Variants in TMED5 observed in about 807,000 individuals in gnomAD.
TMED5 encodes the protein transmembrane emp24 domain-containing protein 5.
TMED5 carries 27 observed loss-of-function variants against 23.0 expected under a neutral mutation model. That is an observed-to-expected ratio of 1.17 (90% CI 0.86 to 1.62). The LOEUF (loss-of-function observed/expected upper bound fraction) is 1.62. Among genes scored for constraint, TMED5 ranks in the 40% most tolerant of loss-of-function variants. The pLI, the probability that TMED5 is intolerant of heterozygous loss-of-function variation, is 0.00. For missense variants in TMED5, 248 were observed against 273.7 expected, an observed-to-expected ratio of 0.91 and a Z score of 0.66; for synonymous variants, 97 against 100.8, an observed-to-expected ratio of 0.96 and a Z score of 0.23.
chr1:93,158,036 A>C (rs1198214128), intron 2 of TMED5, among the ~76,000 whole-genome samples: 1 of 149,882 alleles, frequency 6.7e-6, no homozygotes, highest in Non-Finnish European at 1.5e-5. Flanking sequence ...AGGCAGGAGA[A>C]TGGCGTGAAC....
At chr1:93,178,566 T>G (rs763736135) in intron 1 of TMED5, among the ~76,000 whole-genome samples, 4 of 152,174 alleles carry the variant, frequency 2.6e-5, no homozygotes, top group Non-Finnish European at 5.9e-5. Context: ...TTTACCTACA[T>G]CCCGCACAAC....
intron 1 of TMED5, among the ~76,000 whole-genome samples, chr1:93,166,998 G>A (rs1435123308): frequency 3.3e-5 from 5 of 151,950 alleles, no homozygotes; most frequent in South Asian, 2.1e-4. Flanking sequence ...CAGTTTTCCC[G>A]GGACCATTTA....
At chr1:93,179,563 T>A (rs1230770469) in intron 1 of TMED5, among the ~76,000 whole-genome samples, 1 of 152,212 alleles carries the variant, frequency 6.6e-6, no homozygotes, top group Non-Finnish European at 1.5e-5. Flanking sequence ...TTAATGCCAA[T>A]TACACGATCA....
Position 93,180,164 on chromosome 1 carries a change from C to T in TMED5, c.79G>A (p.Gly27Ser). Residue 27 changes from glycine to serine, a missense_variant, in exon 1 of 4, where the codon GGC (glycine) becomes AGC (serine). Coordinates refer to ENST00000370282, the MANE Select transcript of TMED5 (RefSeq NM_016040.5). ...LPPVLLPGAA[G>S]FTPSLDSDFT... ...TCGCTATCGAGGGAAGGTGTGAAGC[C>T]GGCCGCCCCAGGCAGCAGCACCGGA... 1 of 1,613,240 alleles carries T rather than the reference C, an allele frequency of 6.2e-7. No individual in the cohort carries two copies. The highest frequency in any genetic ancestry group is 8.5e-7 in the Non-Finnish European group (1 of 1,179,680).
At chr1:93,169,594 G>GAAA (rs71094237) in intron 1 of TMED5, among the ~76,000 whole-genome samples, 32 of 146,216 alleles carry the variant, frequency 2.2e-4, no homozygotes, top group African/African-American at 8.1e-4. Flanking sequence ...AATCAACGCA[G>GAAA]AAAAAAAAAA....
intron 1 of TMED5, among the ~76,000 whole-genome samples, chr1:93,172,416 G>A (rs1334787521): frequency 6.6e-6 from 1 of 151,774 alleles, no homozygotes; most frequent in South Asian, 2.1e-4. Context: ...CCAGCAACAA[G>A]CAACTGGAGT....
Position 93,180,090 on chromosome 1 carries a change from G to A in TMED5, c.153C>T (p.Pro51=), listed in dbSNP as rs750307480. 6.2e-7 allele frequency: 1 copy of A among 1,613,676 alleles called. No homozygotes were observed. Among genetic ancestry groups the A allele is most frequent in the East Asian group, 2.2e-5 (1 of 44,748 alleles). The change falls in exon 1 of 4, where the codon CCC becomes CCT. Residue 51 remains proline (P), a synonymous_variant. Transcript: ENST00000370282. ...PAGQKECFYQ[P]MPLKASLEIE... ...TCTCCAGCGAGGCCTTCAGGGGCAT[G>A]GGCTGGTAGAAGCACTCCTTCTGGC...
chr1:93,175,340 CAT>C (rs1278261716), intron 1 of TMED5, among the ~76,000 whole-genome samples: 19 of 143,210 alleles, frequency 1.3e-4, no homozygotes, highest in South Asian at 6.5e-4. Context: ...CACACACACA[CAT>C]ATATGGCTTT....
intron 2 of TMED5, among the ~76,000 whole-genome samples, chr1:93,158,122 C>CAAAAA (rs755186139): frequency 1.4e-5 from 1 of 69,706 alleles, no homozygotes. Context: ...GACTCCGTCT[C>CAAAAA]AAAAAAAAAA....
At chr1:93,156,622 T>C (rs1028533950) in intron 2 of TMED5, 139 bp from the exon 3 acceptor site, 19 of 655,044 alleles carry the variant, frequency 2.9e-5, no homozygotes, top group Non-Finnish European at 4.7e-5. Context: ...AGGGCAAGGC[T>C]GGTAGATCAC....
Position 93,180,028 on chromosome 1 carries a change from G to C in TMED5, c.189+26C>G, listed in dbSNP as rs1649249360. On this transcript the variant is annotated intron_variant, in intron 1 of 3. Coordinates refer to ENST00000370282, the MANE Select transcript of TMED5 (RefSeq NM_016040.5). ...CGCAGTGCAGCTGGGTTAAAGGAAG[G>C]AGGCTGGTTTATCCTCCGCACTTAC... 1.9e-6 allele frequency: 3 copies of C among 1,603,588 alleles called. No individual in the cohort carries two copies. The South Asian group carries it at 3.3e-5, about 18-fold the overall frequency.
At chr1:93,179,762 A>G (rs1297067669) in intron 1 of TMED5, among the ~76,000 whole-genome samples, 1 of 152,268 alleles carries the variant, frequency 6.6e-6, no homozygotes, top group African/African-American at 2.4e-5. Context: ...TGGGCGAATT[A>G]GGAAACAAAG....
intron 1 of TMED5, among the ~76,000 whole-genome samples, chr1:93,170,621 G>A (rs1052518703): frequency 3.9e-5 from 6 of 152,244 alleles, no homozygotes; most frequent in African/African-American, 1.4e-4. Context: ...CAGGCGCACG[G>A]CATGGGACTG....
In TMED5 at chr1:93,156,365, G is replaced by T; in HGVS notation, c.406C>A (p.Gln136Lys). The change falls in exon 3 of 4, where the codon CAA becomes AAA. Residue 136 changes from glutamine to lysine, a missense_variant. Transcript: ENST00000370282. ...GTAATATATTTCTTCCAATCTTCTT[G>T]TTCTTGTGCCTGTTCTCCCATATTA... Reference protein sequence around the residue: ...LDNMGEQAQEQEDWKKYITGT... With the variant: ...LDNMGEQAQEKEDWKKYITGT... The T allele has an allele frequency of 6.2e-7, 1 of 1,613,766 alleles. No homozygotes were observed. Among genetic ancestry groups the T allele is most frequent in the Non-Finnish European group, 8.5e-7 (1 of 1,179,872 alleles).
At chr1:93,173,843 CAT>C (rs1447033021) in intron 1 of TMED5, among the ~76,000 whole-genome samples, 2 of 152,152 alleles carry the variant, frequency 1.3e-5, no homozygotes, top group Admixed American at 1.3e-4. Flanking sequence ...ATTAAATAAT[CAT>C]ATGTGTTTCA....
chr1:93,180,411 T>G lies in TMED5; in HGVS notation c.-169A>C, dbSNP rs1382372886. ...TCCCTCCGAAAGAGAAGCGCAGTTC[T>G]CCAAAGGGTAGGGACTCTGGGCGGG... On this transcript the variant is annotated 5_prime_UTR_variant, in exon 1 of 4. Transcript: ENST00000370282. 8.0e-7 allele frequency: 1 copy of G among 1,245,386 alleles called. No individual in the cohort carries two copies. The highest frequency in any genetic ancestry group is 1.1e-6 in the Non-Finnish European group (1 of 904,412). 77.1% of individuals were successfully genotyped at this position (1,245,386 alleles called of 1,614,324 possible). A position where few individuals can be genotyped will look rare whatever the true frequency, so the allele number is the denominator to read the frequency against.
At chr1:93,162,832 A>ACAT (rs1648333094) in intron 1 of TMED5, 1 of 152,182 alleles carries the variant, frequency 6.6e-6, no homozygotes, top group African/African-American at 2.4e-5. Context: ...CTTACATATA[A>ACAT]CATTAGATGG....
chr1:93,174,587 C>T (rs1021414709), intron 1 of TMED5, among the ~76,000 whole-genome samples: 4 of 152,146 alleles, frequency 2.6e-5, no homozygotes, highest in African/African-American at 9.7e-5. Context: ...TTTCATCACC[C>T]AGATATAAAG....
chr1:93,174,736 G>A (rs942215525), intron 1 of TMED5, among the ~76,000 whole-genome samples: 1 of 152,078 alleles, frequency 6.6e-6, no homozygotes, highest in Non-Finnish European at 1.5e-5. Flanking sequence ...GTGAGAACAC[G>A]TGGTATTTAG....
Sources: gnomAD v4.1 joint callset for allele counts (sites outside exome capture counted in the v4.1 genomes callset) on GRCh38, gnomAD v4.1.1 for gene constraint, MANE v1.5 for transcripts, NCBI Gene and HGNC (gene_info 2026-07-23, HGNC 2026-07-21) for gene names.